Variants in OLFM1 observed in about 807,000 individuals in gnomAD.
OLFM1 encodes the protein noelin.
Under a neutral mutation model 49.7 loss-of-function variants are expected in OLFM1, and 9 were observed. The observed-to-expected ratio is 0.18, with a 90% confidence interval of 0.11 to 0.32. OLFM1 has a LOEUF of 0.32. Among genes scored for constraint, OLFM1 ranks in the 10% least tolerant of loss-of-function variants. The probability of loss-of-function intolerance (pLI) is 1.00; values close to 1 mark genes in which losing one functional copy is unlikely to be tolerated. For synonymous variants in OLFM1, 240 were observed against 271.8 expected (o/e 0.88, Z 1.15); for missense variants, 369 against 661.8 (o/e 0.56, Z 4.85).
At position 135,098,050 on chromosome 9, in the gene OLFM1, A is replaced by T. The variant is rs537184452; in HGVS notation, c.457-236A>T. The T allele has an allele frequency of 7.0e-7, 1 of 1,424,860 alleles. No homozygotes were observed. Among genetic ancestry groups the T allele is most frequent in the East Asian group, 2.5e-5 (1 of 39,786 alleles). 88.3% of individuals were successfully genotyped at this position (1,424,860 alleles called of 1,614,324 possible). ...AAAAAACTTCGTGTATGTGACTCAA[A>T]GCATGTAACCTTAAGATGTTGCATT... On this transcript the variant is annotated intron_variant, in intron 3 of 5. Transcript: ENST00000371793. The surrounding 1 kb of genome is among the most constrained non-coding windows in gnomAD (Gnocchi z 5.6).
At chr9:135,100,510 T>C (rs1186548446) in intron 4 of OLFM1, among the ~76,000 whole-genome samples, 8 of 152,206 alleles carry the variant, frequency 5.3e-5, no homozygotes, top group African/African-American at 1.9e-4. Flanking sequence ...TGCGTTTAAT[T>C]CTTTCTTTGG....
intron 5 of OLFM1, among the ~76,000 whole-genome samples, chr9:135,119,007 T>G (rs1831144270): frequency 6.7e-6 from 1 of 150,050 alleles, no homozygotes; most frequent in South Asian, 2.1e-4. Flanking sequence ...GTCTTTGGAG[T>G]ACTCACTGGA....
rs1342162572 is a variant in OLFM1 at position 135,120,220 on chromosome 9, A to G, written c.*42A>G. On this transcript the variant is annotated 3_prime_UTR_variant, in exon 6 of 6. Transcript: ENST00000371793. ...GCCAAGGGCCCACGTCCTCACCACA[A>G]AGGGACTCCTGTGAAACTGCTGCCA... 6.6e-7 allele frequency: 1 copy of G among 1,518,264 alleles called. No individual in the cohort carries two copies. The highest frequency in any genetic ancestry group is 8.9e-7 in the Non-Finnish European group (1 of 1,122,520). The allele number at this position is 1,518,264 out of a possible 1,614,324, so 94.0% of individuals were successfully genotyped here.
At chr9:135,079,385 C>G (rs1368633303) in intron 1 of OLFM1, among the ~76,000 whole-genome samples, 4 of 152,090 alleles carry the variant, frequency 2.6e-5, no homozygotes, top group Admixed American at 2.6e-4. Flanking sequence ...ACTTTGATCA[C>G]TTGAGGTCAG....
Position 135,098,613 on chromosome 9 carries a change from G to T in OLFM1, c.676+108G>T, listed in dbSNP as rs545168144. 4,790 of 985,964 alleles carry T rather than the reference G, an allele frequency of 4.9e-3. 18 individuals carry two copies. The highest frequency in any genetic ancestry group is 7.3e-3 in the Middle Eastern group (23 of 3,162). The allele number at this position is 985,964 out of a possible 1,614,324, so 61.1% of individuals were successfully genotyped here. ...GACAGCGCCCGCCTGGCTTCGCGAG[G>T]TGATGGCTGGATTAGGGCTCCTGGG... On this transcript the variant is annotated intron_variant, in intron 4 of 5. Transcript: ENST00000371793. The surrounding 1 kb of genome is among the most constrained non-coding windows in gnomAD (Gnocchi z 5.6).
chr9:135,078,075 T>C (rs1588199320), intron 1 of OLFM1, among the ~76,000 whole-genome samples: 1 of 152,352 alleles, frequency 6.6e-6, no homozygotes, highest in Non-Finnish European at 1.5e-5. Flanking sequence ...TTCCAAGAGC[T>C]ACTGGGGGAC....
chr9:135,120,205 C>T lies in OLFM1; in HGVS notation c.*27C>T. On this transcript the variant is annotated 3_prime_UTR_variant, in exon 6 of 6. Coordinates refer to ENST00000371793, the MANE Select transcript of OLFM1 (RefSeq NM_001282611.2). ...TCCCTCCTCCTGGAAGCCAAGGGCC[C>T]ACGTCCTCACCACAAAGGGACTCCT... 1 of 1,575,560 alleles carries T rather than the reference C, an allele frequency of 6.3e-7. No homozygotes were observed.
At chr9:135,100,678 T>G (rs566786084) in intron 4 of OLFM1, among the ~76,000 whole-genome samples, 2 of 152,298 alleles carry the variant, frequency 1.3e-5, no homozygotes, top group African/African-American at 4.8e-5. Flanking sequence ...TGCCACTCGA[T>G]AGCTGTGCGA....
intron 5 of OLFM1, among the ~76,000 whole-genome samples, chr9:135,116,984 G>A (rs939983426): frequency 6.6e-5 from 10 of 151,864 alleles, no homozygotes; most frequent in African/African-American, 2.2e-4. Flanking sequence ...TTTAGCGCGT[G>A]TGTAATGCCA....
chr9:135,106,590 A>G, intron 4 of OLFM1, 159 bp from the exon 5 acceptor site: 1 of 595,426 alleles, frequency 1.7e-6, no homozygotes, highest in East Asian at 2.9e-5. Context: ...GTTGTCTGTG[A>G]AAACAAGGGC....
intron 4 of OLFM1, among the ~76,000 whole-genome samples, chr9:135,103,679 G>A (rs1830900636): frequency 6.6e-5 from 10 of 152,168 alleles, no homozygotes; most frequent in Admixed American, 6.5e-4. Context: ...GGGTGGGCGG[G>A]ATGAAGTGGG....
At chr9:135,114,097 A>C (rs1831061381) in intron 5 of OLFM1, among the ~76,000 whole-genome samples, 1 of 136,610 alleles carries the variant, frequency 7.3e-6, no homozygotes. Context: ...GCCCACCTTC[A>C]TCCAGGACCA....
In OLFM1 at chr9:135,088,105, C is replaced by T. The variant is rs1389428240; in HGVS notation, c.116C>T (p.Ala39Val). 1 of 1,412,130 alleles carries T rather than the reference C, an allele frequency of 7.1e-7. No individual in the cohort carries two copies. Among genetic ancestry groups the T allele is most frequent in the Admixed American group, 2.4e-5 (1 of 41,364 alleles). 87.5% of individuals were successfully genotyped at this position (1,412,130 alleles called of 1,614,324 possible). A position where few individuals can be genotyped will look rare whatever the true frequency, so the allele number is the denominator to read the frequency against. Residue 39 changes from alanine to valine, a missense_variant, in exon 1 of 6, where the codon GCG becomes GTG. By Grantham distance (64) the Ala-to-Val change is moderately conservative. This residue lies in a region of OLFM1 where 55 missense variants were observed against 53.3 expected (regional missense o/e 1.03). Coordinates refer to ENST00000371793, the MANE Select transcript of OLFM1 (RefSeq NM_001282611.2). This position sits in a 1 kb window ranked among gnomAD's most constrained non-coding sequence, Gnocchi z 4.8. ...GGCCTCAACACCACCAAGCTCTCGG[C>T]GGCCGGCGGCGGGACGCTGGACCGC... is the stretch of plus-strand genomic sequence containing the variant. ...LVGLNTTKLS[A>V]AGGGTLDRST...
chr9:135,119,960 G>A lies in OLFM1; in HGVS notation c.1240G>A (p.Val414Ile), dbSNP rs766525119. The A allele has an allele frequency of 8.2e-5, 132 of 1,613,532 alleles. No individual in the cohort carries two copies. The highest frequency in any genetic ancestry group is 1.0e-4 in the Non-Finnish European group (119 of 1,180,042). Reference sequence around the variant, plus strand: ...CTTCATCATCTGCGGCACGCTGTACGTCACCAACGGCTACTCAGGGGGTAC... The same window carrying A: ...CTTCATCATCTGCGGCACGCTGTACATCACCAACGGCTACTCAGGGGGTAC... ...EAFIICGTLY[V>I]TNGYSGGTKV... The change falls in exon 6 of 6, where the codon GTC becomes ATC. Residue 414 changes from valine to isoleucine, a missense_variant. By Grantham distance (29) the Val-to-Ile change is conservative. Transcript: ENST00000371793.
At chr9:135,115,998 T>C (rs781031269) in intron 5 of OLFM1, among the ~76,000 whole-genome samples, 3 of 152,202 alleles carry the variant, frequency 2.0e-5, no homozygotes, top group Non-Finnish European at 2.9e-5. Flanking sequence ...CGATAGGTCC[T>C]GCCCGGAGGC....
At chr9:135,112,392 G>A (rs931570756) in intron 5 of OLFM1, among the ~76,000 whole-genome samples, 3 of 152,138 alleles carry the variant, frequency 2.0e-5, no homozygotes, top group Non-Finnish European at 2.9e-5. Context: ...TATGCCTGGG[G>A]AACCCCAAGA....
upstream of OLFM1, among the ~76,000 whole-genome samples, chr9:135,086,274 C>T (rs1251418878): frequency 6.6e-6 from 1 of 152,240 alleles, no homozygotes; most frequent in Non-Finnish European, 1.5e-5. Flanking sequence ...TCCTGGCATC[C>T]GACCCAGCCC....
chr9:135,113,006 C>T lies in OLFM1; in HGVS notation c.783+6151C>T, dbSNP rs1831044452. Among the ~76,000 whole-genome samples the T allele has an allele frequency of 6.6e-6, 1 of 152,192 alleles. No individual in the cohort carries two copies. The highest frequency in any genetic ancestry group is 6.5e-5 in the Admixed American group (1 of 15,276). Reference sequence around the variant, plus strand: ...GCAGCCTTGGGAACCTGGGTGGAAGCAAGCTGTGTCGGGGTCAGGGCAGGC... The same window carrying T: ...GCAGCCTTGGGAACCTGGGTGGAAGTAAGCTGTGTCGGGGTCAGGGCAGGC... On this transcript the variant is annotated intron_variant, in intron 5 of 5. Coordinates refer to ENST00000371793, the MANE Select transcript of OLFM1 (RefSeq NM_001282611.2). This position sits in a 1 kb window ranked among gnomAD's most constrained non-coding sequence, Gnocchi z 4.0.
intron 1 of OLFM1, chr9:135,076,728 A>G: frequency 6.9e-7 from 1 of 1,448,608 alleles, no homozygotes; most frequent in Non-Finnish European, 9.1e-7. Flanking sequence ...AAGTCCAGGA[A>G]GTGATGGGCA....
Sources: gnomAD v4.1 joint callset for allele counts (sites outside exome capture counted in the v4.1 genomes callset) on GRCh38, gnomAD v4.1.1 for gene constraint, gnomAD v4.1.1 regional missense constraint, Gnocchi (gnomAD v3.1) non-coding constraint, MANE v1.5 for transcripts, NCBI Gene and HGNC (gene_info 2026-07-23, HGNC 2026-07-21) for gene names.